RP1L1: variants seen among roughly 807,000 people sequenced by gnomAD.
The protein encoded by RP1L1 is RP1 like 1.
Under a neutral mutation model 15.7 loss-of-function variants are expected in RP1L1, and 27 were observed. That is an observed-to-expected ratio of 1.72 (90% CI 1.27 to 2.38). RP1L1 has a LOEUF of 2.38. Ranked by LOEUF, RP1L1 falls within the 30% of genes most tolerant of loss-of-function variation. RP1L1 has a pLI of 0.00. For missense variants in RP1L1, 4,798 were observed against 3,075.9 expected (o/e 1.56, Z -13.24); for synonymous variants, 1,813 against 1,276.7 (o/e 1.42, Z -8.96).
intron 2 of RP1L1, among the ~76,000 whole-genome samples, chr8:10,619,894 G>A (rs1798031327): frequency 6.7e-6 from 1 of 148,716 alleles, no homozygotes; most frequent in Non-Finnish European, 1.5e-5. Context: ...CTAGGGGGCA[G>A]AGGTTGCAGT....
At chr8:10,613,468 A>C in intron 3 of RP1L1, 122 bp from the exon 4 acceptor site, 1 of 1,391,792 alleles carries the variant, frequency 7.2e-7, no homozygotes, top group Non-Finnish European at 9.8e-7. Flanking sequence ...ACTGCCTCCA[A>C]AATGCACGGT....
intron 3 of RP1L1, among the ~76,000 whole-genome samples, chr8:10,615,565 G>A (rs572221506): frequency 6.6e-6 from 1 of 152,256 alleles, no homozygotes; most frequent in South Asian, 2.1e-4. Context: ...CAGGGTCTCT[G>A]TTGCCTAGGC....
intron 1 of RP1L1, among the ~76,000 whole-genome samples, chr8:10,650,951 C>T (rs78015489): frequency 0.026 from 3,954 of 152,238 alleles, 203 homozygotes; most frequent in Admixed American, 0.11. Context: ...TTATTATCCC[C>T]GTTTGATAAG....
intron 2 of RP1L1, 140 bp from the exon 3 acceptor site, chr8:10,616,727 G>T (rs955315303): frequency 6.1e-6 from 6 of 983,018 alleles, no homozygotes; most frequent in Middle Eastern, 3.3e-4. Flanking sequence ...GTCCAAGGAG[G>T]GGTCTTATCC....
At chr8:10,613,583 G>A (rs116071898) in intron 3 of RP1L1, among the ~76,000 whole-genome samples, 4,296 of 112,794 alleles carry the variant, frequency 0.038, 220 homozygotes, top group African/African-American at 0.13. Flanking sequence ...GGACAACTTA[G>A]TGAGACACCA....
Position 10,611,714 on chromosome 8 carries a change from T to C in RP1L1, c.2384A>G (p.Glu795Gly). 1 of 1,613,520 alleles carries C rather than the reference T, an allele frequency of 6.2e-7. No homozygotes were observed. Among genetic ancestry groups the C allele is most frequent in the Middle Eastern group, 1.6e-4 (1 of 6,062 alleles). Residue 795 changes from glutamate to glycine, a missense_variant, in exon 4 of 4, where the codon GAG becomes GGG. By Grantham distance (98) the Glu-to-Gly change is moderately conservative (BLOSUM62 -2). Coordinates refer to ENST00000382483, the MANE Select transcript of RP1L1 (RefSeq NM_178857.6). The part of the protein sequence containing the change: ...SKSGAASLGE[E>G]ARDTPQPSSP... ...GGAGGGCTGAGGCGTGTCCCTGGCC[T>C]CTTCCCCCAGGCTGGCAGCCCCAGA...
chr8:10,625,927 T>A (rs1040109995), intron 1 of RP1L1, among the ~76,000 whole-genome samples: 2 of 139,866 alleles, frequency 1.4e-5, no homozygotes, highest in Non-Finnish European at 3.1e-5. Context: ...CATTGTGGGA[T>A]GGAAAAGGAG....
intron 2 of RP1L1, chr8:10,621,691 C>G (rs1484778110): frequency 8.1e-6 from 4 of 493,736 alleles, no homozygotes; most frequent in Non-Finnish European, 1.6e-5. Flanking sequence ...AGGACTGAAT[C>G]TTGAGGAGAC....
intron 1 of RP1L1, among the ~76,000 whole-genome samples, chr8:10,634,858 A>T (rs1178511204): frequency 6.6e-6 from 1 of 151,580 alleles, no homozygotes; most frequent in Non-Finnish European, 1.5e-5. Context: ...CCCAACTGGG[A>T]CTCCCTCTCC....
chr8:10,616,120 G>A (rs1797960495), intron 3 of RP1L1, among the ~76,000 whole-genome samples: 1 of 151,976 alleles, frequency 6.6e-6, no homozygotes, highest in Non-Finnish European at 1.5e-5. Flanking sequence ...TGTTGCCCAG[G>A]CGGGTGTCCA....
At chr8:10,623,692 T>C (rs13268052) in intron 1 of RP1L1, among the ~76,000 whole-genome samples, 1 of 149,824 alleles carries the variant, frequency 6.7e-6, no homozygotes, top group South Asian at 2.2e-4. Context: ...ACCTCCATGT[T>C]CCCAGGACCT....
chr8:10,610,119 T>G lies in RP1L1; in HGVS notation c.3979A>C (p.Thr1327Pro). The G allele has an allele frequency of 2.6e-5, 29 of 1,124,866 alleles. 3 individuals are homozygous for G. Among genetic ancestry groups the G allele is most frequent in the East Asian group, 1.1e-4 (4 of 35,952 alleles). The allele number at this position is 1,124,866 out of a possible 1,614,324, so 69.7% of individuals were successfully genotyped here. A position where few individuals can be genotyped will look rare whatever the true frequency, so the allele number is the denominator to read the frequency against. ...CCCTCTTCTTGCAGCCCTTCTTCTGTTTTAGTTTCCTCTAACTGCACCGCC... is the reference window on the plus strand; with the variant it reads ...CCCTCTTCTTGCAGCCCTTCTTCTGGTTTAGTTTCCTCTAACTGCACCGCC... ...EEAVQLEETK[T>P]EEGLQEEGVQ... Residue 1327 changes from threonine (T) to proline (P), a missense_variant, in exon 4 of 4, where the codon ACA (threonine) becomes CCA (proline). Thr to Pro is a conservative substitution (Grantham distance 38). Coordinates refer to ENST00000382483, the MANE Select transcript of RP1L1 (RefSeq NM_178857.6).
chr8:10,610,300 G>A lies in RP1L1; in HGVS notation c.3798C>T (p.Ala1266=). 2 of 1,614,208 alleles carry A rather than the reference G, an allele frequency of 1.2e-6. No homozygotes were observed. The highest frequency in any genetic ancestry group is 1.7e-5 in the Admixed American group (1 of 60,028). The change falls in exon 4 of 4, where the codon GCC becomes GCT. Residue 1266 remains alanine (A), a synonymous_variant. Coordinates refer to ENST00000382483, the MANE Select transcript of RP1L1 (RefSeq NM_178857.6). ...CATCCTCATTGGTGGCACAAGCGCA[G>A]GCTCGGGCGTTCAAGAAGGTTGGGA... ...CCFPTFLNAR[A]CACATNEDEA...
chr8:10,650,818 C>T (rs533749017), intron 1 of RP1L1, among the ~76,000 whole-genome samples: 8 of 152,284 alleles, frequency 5.3e-5, no homozygotes, highest in African/African-American at 1.2e-4. Flanking sequence ...CCACCTGCCT[C>T]GGCCTCCCAA....
intron 3 of RP1L1, 74 bp from the exon 4 acceptor site, chr8:10,613,420 T>A: frequency 6.3e-7 from 1 of 1,584,968 alleles, no homozygotes; most frequent in South Asian, 1.1e-5. Context: ...GATAAAGGAA[T>A]AAAACAGTCA....
At chr8:10,625,783 T>G (rs1585983905) in intron 1 of RP1L1, among the ~76,000 whole-genome samples, 1 of 151,548 alleles carries the variant, frequency 6.6e-6, no homozygotes, top group South Asian at 2.1e-4. Flanking sequence ...TGGTGGGTGG[T>G]CTCAGTGAGC....
chr8:10,623,352 A>T, intron 1 of RP1L1, 132 bp from the exon 2 acceptor site: 1 of 702,922 alleles, frequency 1.4e-6, no homozygotes, highest in Non-Finnish European at 2.3e-6. Context: ...GAGGCAAGTG[A>T]ATCTATTTGG....
chr8:10,612,305 G>GTACCC lies in RP1L1; in HGVS notation c.1792_1793insGGGTA (p.Thr598ArgfsTer11). The GTACCC allele has an allele frequency of 6.2e-6, 10 of 1,613,260 alleles. No individual in the cohort carries two copies. Among genetic ancestry groups the GTACCC allele is most frequent in the Non-Finnish European group, 8.5e-6 (10 of 1,180,034 alleles). ...CACAGCCGCTCCCGTGGCCTGCTCGGTGCCCTGTCCTTGCGTCTCTGCCTG... is the reference window on the plus strand; with the variant it reads ...CACAGCCGCTCCCGTGGCCTGCTCGGTACCCTGCCCTGTCCTTGCGTCTCTGCCTG... On this transcript the variant is annotated frameshift_variant, in exon 4 of 4. Coordinates refer to ENST00000382483, the MANE Select transcript of RP1L1 (RefSeq NM_178857.6). LOFTEE classifies it low-confidence loss of function (END_TRUNC).
rs765825104 is a variant in RP1L1 at position 10,611,682 on chromosome 8, A to G, written c.2416T>C (p.Leu806=). The change falls in exon 4 of 4, where the codon TTG becomes CTG. Residue 806 remains leucine, a synonymous_variant. Coordinates refer to ENST00000382483, the MANE Select transcript of RP1L1 (RefSeq NM_178857.6). ...ARDTPQPSSP[L]VLQVGRPEQG... The stretch of plus-strand genomic sequence containing the variant: ...TCAGGCCGTCCAACCTGCAGAACCA[A>G]GGGTGAGGAGGGCTGAGGCGTGTCC... The G allele has an allele frequency of 1.2e-6, 2 of 1,613,350 alleles. No homozygotes were observed. Among genetic ancestry groups the G allele is most frequent in the Non-Finnish European group, 1.7e-6 (2 of 1,179,988 alleles).
Sources: gnomAD v4.1 joint callset for allele counts (sites outside exome capture counted in the v4.1 genomes callset) on GRCh38, gnomAD v4.1.1 for gene constraint, MANE v1.5 for transcripts, NCBI Gene and HGNC (gene_info 2026-07-23, HGNC 2026-07-21) for gene names.